The following UBN2 variants were observed in gnomAD, a reference collection of about 807,000 sequenced individuals.
UBN2 encodes ubinuclein 2, also known as ubinuclein-2.
UBN2 carries 35 observed loss-of-function variants against 120.2 expected under a neutral mutation model. The ratio of observed to expected loss-of-function variants is 0.29; its 90% CI spans 0.22 to 0.39. The LOEUF is 0.39. Among genes scored for constraint, UBN2 ranks in the 10% least tolerant of loss-of-function variants. UBN2 has a pLI of 1.00. For synonymous variants in UBN2, 661 were observed against 648.7 expected (o/e 1.02, Z -0.29); for missense variants, 1,693 against 1,663.2 (o/e 1.02, Z -0.31).
intron 17 of UBN2, among the ~76,000 whole-genome samples, chr7:139,296,462 G>T (rs554617720): frequency 6.6e-6 from 1 of 152,148 alleles, no homozygotes; most frequent in African/African-American, 2.4e-5. Context: ...TGCTATTCAT[G>T]CCTCTTCCCT....
At chr7:139,309,438 A>G (rs1345810963), downstream of UBN2, among the ~76,000 whole-genome samples, 1 of 152,248 alleles carries the variant, frequency 6.6e-6, no homozygotes, top group East Asian at 1.9e-4. Flanking sequence ...AGTACTCCTC[A>G]AGATGATTTT....
At chr7:139,242,302 A>T (rs1205917378) in intron 2 of UBN2, among the ~76,000 whole-genome samples, 1 of 152,204 alleles carries the variant, frequency 6.6e-6, no homozygotes, top group African/African-American at 2.4e-5. Flanking sequence ...TTAGTTGATC[A>T]TCCACACTTG....
At chr7:139,310,826 T>A (rs1164889126), downstream of UBN2, among the ~76,000 whole-genome samples, 1 of 152,212 alleles carries the variant, frequency 6.6e-6, no homozygotes, top group African/African-American at 2.4e-5. Context: ...TCTAGCATTT[T>A]TCAGTTATCT....
intron 2 of UBN2, among the ~76,000 whole-genome samples, chr7:139,239,322 C>T (rs1796249668): frequency 1.3e-5 from 2 of 151,996 alleles, no homozygotes; most frequent in East Asian, 1.9e-4. Context: ...ATGGAACTAT[C>T]ACACTGTAAC....
At chr7:139,318,473 T>C in the UBN2 span, among the ~76,000 whole-genome samples, 1 of 152,190 alleles carries the variant, frequency 6.6e-6, no homozygotes, top group African/African-American at 2.4e-5. Context: ...TTCAGAACTT[T>C]ATGGACATTC....
At position 139,261,652 on chromosome 7, in the gene UBN2, T is replaced by C; in HGVS notation, c.1306T>C (p.Tyr436His). Residue 436 changes from tyrosine (Y) to histidine (H), a missense_variant, in exon 6 of 18, where the codon TAC (tyrosine) becomes CAC (histidine). By Grantham distance (83) the Tyr-to-His change is moderately conservative (BLOSUM62 2). Coordinates refer to ENST00000473989, the MANE Select transcript of UBN2 (RefSeq NM_173569.4). ...AAATGGAACCACCACCCAGCCAACC[T>C]ACACTTCTCAGGTTATGCCCAAAGT... Reference protein sequence around the residue: ...GENGTTTQPTYTSQVMPKVVP... With the variant: ...GENGTTTQPTHTSQVMPKVVP... 1.2e-6 allele frequency: 2 copies of C among 1,614,184 alleles called. No individual in the cohort carries two copies. The highest frequency in any genetic ancestry group is 1.7e-6 in the Non-Finnish European group (2 of 1,180,024).
At chr7:139,311,360 C>G (rs1798444894), downstream of UBN2, among the ~76,000 whole-genome samples, 1 of 152,184 alleles carries the variant, frequency 6.6e-6, no homozygotes, top group South Asian at 2.1e-4. Context: ...TCTGTTGTCT[C>G]TGTGTTTGTC....
chr7:139,256,011 G>T (rs1796754512), intron 3 of UBN2, among the ~76,000 whole-genome samples: 1 of 152,026 alleles, frequency 6.6e-6, no homozygotes, highest in South Asian at 2.1e-4. Context: ...ATTTTCCCTG[G>T]GTCACAGTAG....
intron 1 of UBN2, among the ~76,000 whole-genome samples, chr7:139,235,484 GC>G (rs1465258011): frequency 6.6e-6 from 1 of 152,186 alleles, no homozygotes; most frequent in Admixed American, 6.5e-5. Context: ...CAGCTCACTT[GC>G]AACTTCCACC....
chr7:139,279,478 T>C, intron 13 of UBN2, 118 bp downstream of exon 13: 1 of 702,410 alleles, frequency 1.4e-6, no homozygotes, highest in Non-Finnish European at 2.3e-6. Flanking sequence ...AAGATAGATG[T>C]TTTCAACTTC....
chr7:139,317,487 A>T, the UBN2 span, among the ~76,000 whole-genome samples: 3 of 151,694 alleles, frequency 2.0e-5, no homozygotes, highest in Non-Finnish European at 4.4e-5. Context: ...TCTTACTTAC[A>T]TCCATTTTCT....
At chr7:139,292,049 G>A (rs985170527) in intron 15 of UBN2, among the ~76,000 whole-genome samples, 2 of 152,036 alleles carry the variant, frequency 1.3e-5, no homozygotes, top group South Asian at 2.1e-4. Context: ...CCAGAAGTTC[G>A]AGCCTAGCCT....
rs985277441 is a variant in UBN2 at position 139,304,198 on chromosome 7, T to C, written c.*6362T>C. On this transcript the variant is annotated 3_prime_UTR_variant, in exon 18 of 18. Coordinates refer to ENST00000473989, the MANE Select transcript of UBN2 (RefSeq NM_173569.4). The stretch of plus-strand genomic sequence containing the variant: ...ACTACACACAGTCAGCTGGATACTC[T>C]TGTAGCCATTGCACCTTTGTAATTC... 6.6e-6 allele frequency: 1 copy of C among 152,202 alleles called. No homozygotes were observed. 9.4% of individuals were successfully genotyped at this position (152,202 alleles called of 1,614,324 possible).
Position 139,261,604 on chromosome 7 carries a change from C to G in UBN2, c.1258C>G (p.Pro420Ala). The G allele has an allele frequency of 6.2e-7, 1 of 1,614,160 alleles. No individual in the cohort carries two copies. The highest frequency in any genetic ancestry group is 8.5e-7 in the Non-Finnish European group (1 of 1,180,020). Residue 420 changes from proline (P) to alanine (A), a missense_variant, in exon 6 of 18, where the codon CCC (proline) becomes GCC (alanine). Pro to Ala is a conservative substitution (Grantham distance 27). This residue lies in a region of UBN2 where 663 missense variants were observed against 591.2 expected (regional missense o/e 1.12). Transcript: ENST00000473989. ...RLLDAASDGS[P>A]LSESGGENGT... ...ACTGGATGCTGCTTCTGATGGTAGC[C>G]CCCTATCTGAGTCGGGGGGTGAAAA... is the stretch of plus-strand genomic sequence containing the variant.
downstream of UBN2, among the ~76,000 whole-genome samples, chr7:139,311,298 G>A (rs1213288469): frequency 1.3e-5 from 2 of 152,182 alleles, no homozygotes; most frequent in Non-Finnish European, 2.9e-5. Flanking sequence ...CTCCATATGT[G>A]CCTAGGCGTA....
chr7:139,309,927 A>G (rs143765656), downstream of UBN2, among the ~76,000 whole-genome samples: 543 of 152,360 alleles, frequency 3.6e-3, 8 homozygotes, highest in African/African-American at 0.012. Context: ...CCCAAAATGT[A>G]GAGTGGTGGT....
At position 139,299,645 on chromosome 7, in the gene UBN2, A is replaced by G. The variant is rs1196190634; in HGVS notation, c.*1809A>G. The G allele has an allele frequency of 6.6e-6, 1 of 152,232 alleles. No individual in the cohort carries two copies. The highest frequency in any genetic ancestry group is 1.5e-5 in the Non-Finnish European group (1 of 68,030). 9.4% of individuals were successfully genotyped at this position (152,232 alleles called of 1,614,324 possible). On this transcript the variant is annotated 3_prime_UTR_variant, in exon 18 of 18. Transcript: ENST00000473989. ...GACTCTAAGAATTTAGTTTATCAAT[A>G]AAACAAATATGGATGTAGTATGAAC...
the UBN2 span, among the ~76,000 whole-genome samples, chr7:139,324,427 G>A: frequency 6.6e-6 from 1 of 151,618 alleles, no homozygotes; most frequent in African/African-American, 2.4e-5. Context: ...GCAGTGGCAG[G>A]CCCCTGTAGT....
rs117807639 is a variant in UBN2 at position 139,274,178 on chromosome 7, C to G, written c.1973+104C>G. ...ATGTGACATTGATTTTGCTAAGAAC[C>G]TAATATATTCAGCATGCTGTCTAGT... On this transcript the variant is annotated intron_variant, in intron 11 of 17. Transcript: ENST00000473989. 5,705 of 1,167,882 alleles carry G rather than the reference C, an allele frequency of 4.9e-3. 21 individuals carry two copies. The highest frequency in any genetic ancestry group is 7.2e-3 in the South Asian group (366 of 50,620). The allele number at this position is 1,167,882 out of a possible 1,614,324, so 72.3% of individuals were successfully genotyped here.
Sources: allele counts gnomAD v4.1 joint callset (sites outside exome capture counted in the v4.1 genomes callset), GRCh38; gene constraint gnomAD v4.1.1; regional missense constraint gnomAD v4.1.1; transcripts MANE v1.5; gene names NCBI Gene and HGNC (gene_info 2026-07-23, HGNC 2026-07-21).